The following FOXJ2 variants were observed in gnomAD, a reference collection of about 807,000 sequenced individuals.
FOXJ2 encodes forkhead box protein J2.
A neutral mutation model predicts 68.4 loss-of-function variants in FOXJ2; 18 were observed. The observed-to-expected ratio is 0.26, with a 90% CI of 0.18 to 0.39. FOXJ2 has a LOEUF of 0.39. Ranked by LOEUF, FOXJ2 falls within the 10% of genes least tolerant of loss-of-function variation. The pLI is 1.00. For missense variants in FOXJ2, 670 were observed against 726.5 expected, an observed-to-expected ratio of 0.92 and a Z score of 0.89; for synonymous variants, 274 against 263.2, an observed-to-expected ratio of 1.04 and a Z score of -0.40.
chr12:8,036,509 C>A (rs939914496), intron 1 of FOXJ2, among the ~76,000 whole-genome samples: 1 of 152,152 alleles, frequency 6.6e-6, no homozygotes, highest in Admixed American at 6.5e-5. Context: ...TTCCAGCACA[C>A]AGAGAAGAAT....
At chr12:8,037,199 C>T (rs938852557) in intron 1 of FOXJ2, among the ~76,000 whole-genome samples, 6 of 152,202 alleles carry the variant, frequency 3.9e-5, no homozygotes, top group African/African-American at 1.4e-4. Context: ...ACCTCAGTCT[C>T]TGAGGCTCTA....
Position 8,049,509 on chromosome 12 carries a change from CT to C in FOXJ2, c.1476del (p.Ala493ProfsTer18). 6.2e-7 allele frequency: 1 copy of C among 1,614,000 alleles called. No individual in the cohort carries two copies. Among genetic ancestry groups the C allele is most frequent in the Non-Finnish European group, 8.5e-7 (1 of 1,179,948 alleles). On this transcript the variant is annotated frameshift_variant, in exon 9 of 11. Transcript: ENST00000162391. LOFTEE classifies it high-confidence loss of function. The stretch of plus-strand genomic sequence containing the variant: ...GGGGGTACCCACCGCCCACCAGCCC[CT>C]GCCCGTATTGCTGACTCCTGTGCCC... ...PQGGTHRPPAPARIADSCALT... is the reference protein window; with the variant it reads ...PQGGTHRPPAXARIADSCALT...
chr12:8,034,341 C>T (rs1380158636), intron 1 of FOXJ2, among the ~76,000 whole-genome samples: 2 of 152,168 alleles, frequency 1.3e-5, no homozygotes, highest in African/African-American at 4.8e-5. Flanking sequence ...AATTATAGCT[C>T]CCTTGACAAG....
chr12:8,051,528 A>G (rs1947126363), intron 10 of FOXJ2, among the ~76,000 whole-genome samples: 1 of 152,176 alleles, frequency 6.6e-6, no homozygotes. Flanking sequence ...GTGGCTTTGG[A>G]ATCTAGATGG....
At position 8,047,995 on chromosome 12, in the gene FOXJ2, C is replaced by A; in HGVS notation, c.931C>A (p.Pro311Thr). ...GCAGCAGCAGCAGCCGCCACAGCCACCTCCCCAGCAGTCCCAGCCACAGCA... is the reference window on the plus strand; with the variant it reads ...GCAGCAGCAGCAGCCGCCACAGCCAACTCCCCAGCAGTCCCAGCCACAGCA... ...QQQQQQPPQP[P>T]PQQSQPQQQQ... The change falls in exon 7 of 11, where the codon CCT (proline) becomes ACT (threonine). Residue 311 changes from proline to threonine, a missense_variant. Transcript: ENST00000162391. 2 of 1,613,936 alleles carry A rather than the reference C, an allele frequency of 1.2e-6. No homozygotes were observed. Among genetic ancestry groups the A allele is most frequent in the Non-Finnish European group, 8.5e-7 (1 of 1,179,934 alleles).
chr12:8,048,665 T>C, intron 7 of FOXJ2, 32 bp from the exon 8 acceptor site: 1 of 1,581,306 alleles, frequency 6.3e-7, no homozygotes, highest in Non-Finnish European at 8.7e-7. Flanking sequence ...CTTCACTCTA[T>C]CTTATTATCC....
intron 2 of FOXJ2, among the ~76,000 whole-genome samples, chr12:8,041,669 C>T (rs1328709334): frequency 6.6e-6 from 1 of 151,976 alleles, no homozygotes; most frequent in African/African-American, 2.4e-5. Flanking sequence ...CACCACCATG[C>T]ACAGGAACTT....
chr12:8,040,037 T>C lies in FOXJ2; in HGVS notation c.205T>C (p.Tyr69His). The C allele has an allele frequency of 6.2e-7, 1 of 1,614,144 alleles. No homozygotes were observed. Among genetic ancestry groups the C allele is most frequent in the African/African-American group, 1.3e-5 (1 of 75,034 alleles). ...AAVHQDGKPR[Y>H]SYATLITYAI... ...AGTGCACCAGGACGGCAAGCCACGATACAGCTATGCCACTCTCATCACCTA... is the reference window on the plus strand; with the variant it reads ...AGTGCACCAGGACGGCAAGCCACGACACAGCTATGCCACTCTCATCACCTA... The change falls in exon 2 of 11, where the codon TAC (tyrosine) becomes CAC (histidine). Residue 69 changes from tyrosine to histidine, a missense_variant. This residue lies in a region of FOXJ2 where 115 missense variants were observed against 164.3 expected (regional missense o/e 0.70). Coordinates refer to ENST00000162391, the MANE Select transcript of FOXJ2 (RefSeq NM_018416.3). The surrounding 1 kb of genome is among the most constrained non-coding windows in gnomAD (Gnocchi z 4.0).
intron 8 of FOXJ2, 99 bp from the exon 9 acceptor site, chr12:8,049,263 G>A (rs1408969598): frequency 5.9e-6 from 5 of 846,906 alleles, no homozygotes; most frequent in East Asian, 4.9e-5. Context: ...TTATCAGTGG[G>A]GGTGATTGAT....
rs1947069794 is a variant in FOXJ2, at chr12:8,048,397, G to A, written c.1225+108G>A. 2.0e-6 allele frequency: 3 copies of A among 1,476,052 alleles called. No individual in the cohort carries two copies. The East Asian group carries it at 6.9e-5, about 34-fold the overall frequency. The allele number at this position is 1,476,052 out of a possible 1,614,324, so 91.4% of individuals were successfully genotyped here. On this transcript the variant is annotated intron_variant, in intron 7 of 10. Coordinates refer to ENST00000162391, the MANE Select transcript of FOXJ2 (RefSeq NM_018416.3). ...TAGGAAGTTAATGATGGGTCTTTTA[G>A]GCTTCGCTCCTTCATGTGAGCTAAT...
chr12:8,043,034 G>A (rs1312327716), intron 3 of FOXJ2, among the ~76,000 whole-genome samples: 2 of 151,870 alleles, frequency 1.3e-5, no homozygotes, highest in African/African-American at 4.8e-5. Flanking sequence ...TAGTCAACAT[G>A]GTGAAACCCC....
chr12:8,037,463 T>C (rs917387458), intron 1 of FOXJ2, among the ~76,000 whole-genome samples: 2 of 152,122 alleles, frequency 1.3e-5, no homozygotes, highest in African/African-American at 2.4e-5. Context: ...GTAGAACAAC[T>C]TGCAAAAGGC....
chr12:8,040,723 C>T lies in FOXJ2; in HGVS notation c.333+558C>T, dbSNP rs746594328. Among the ~76,000 whole-genome samples, 1 of 152,166 alleles carries T rather than the reference C, an allele frequency of 6.6e-6. No homozygotes were observed. Among genetic ancestry groups the T allele is most frequent in the East Asian group, 1.9e-4 (1 of 5,172 alleles). On this transcript the variant is annotated intron_variant, in intron 2 of 10. Coordinates refer to ENST00000162391, the MANE Select transcript of FOXJ2 (RefSeq NM_018416.3). The surrounding 1 kb of genome is among the most constrained non-coding windows in gnomAD (Gnocchi z 4.0). Reference sequence around the variant, plus strand: ...GGCATGAGCCACTGCACCCGGCCCACATCCTCTTGTCTTCTGATCCCTCAA... The same window carrying T: ...GGCATGAGCCACTGCACCCGGCCCATATCCTCTTGTCTTCTGATCCCTCAA...
At chr12:8,050,871 T>TCCCTTC (rs1565631443) in intron 10 of FOXJ2, among the ~76,000 whole-genome samples, 4 of 80,846 alleles carry the variant, frequency 4.9e-5, no homozygotes, top group Admixed American at 1.5e-4. Flanking sequence ...CCCTTCCCCT[T>TCCCTTC]CCCTTCCCCT....
chr12:8,044,214 G>C, intron 5 of FOXJ2, 123 bp downstream of exon 5: 1 of 1,197,330 alleles, frequency 8.4e-7, no homozygotes, highest in Non-Finnish European at 1.1e-6. Flanking sequence ...TGAGAAGGAA[G>C]GGGAAGGCAA....
intron 6 of FOXJ2, among the ~76,000 whole-genome samples, chr12:8,045,870 G>A (rs766858457): frequency 4.0e-4 from 60 of 151,720 alleles, no homozygotes; most frequent in African/African-American, 1.4e-3. Context: ...CGTTGGCCAG[G>A]CTGGTCTTGA....
In FOXJ2 at chr12:8,034,113, G is replaced by A. The variant is rs114509128; in HGVS notation, c.-15+280G>A. ...TTTCATGCTGAGGAAAAGGGTTATC[G>A]GAAAACAGCTGCATTTTGAGAACAT... is the stretch of plus-strand genomic sequence containing the variant. On this transcript the variant is annotated intron_variant, in intron 1 of 10. Coordinates refer to ENST00000162391, the MANE Select transcript of FOXJ2 (RefSeq NM_018416.3). Among the ~76,000 whole-genome samples the A allele has an allele frequency of 6.2e-3, 951 of 152,252 alleles. 5 individuals are homozygous for A. Among genetic ancestry groups the A allele is most frequent in the African/African-American group, 0.02 (832 of 41,556 alleles).
chr12:8,049,859 G>T (rs1947091852), intron 9 of FOXJ2: 3 of 431,186 alleles, frequency 7.0e-6, no homozygotes, highest in African/African-American at 6.0e-5. Context: ...TTTTAAATTT[G>T]CGTCTCAGTA....
intron 1 of FOXJ2, among the ~76,000 whole-genome samples, chr12:8,036,788 G>A (rs1340103724): frequency 1.3e-5 from 2 of 152,128 alleles, no homozygotes; most frequent in Non-Finnish European, 2.9e-5. Flanking sequence ...GGAAACTGAG[G>A]CATCAAGACT....
Sources: allele counts gnomAD v4.1 joint callset (sites outside exome capture counted in the v4.1 genomes callset), GRCh38; gene constraint gnomAD v4.1.1; regional missense constraint gnomAD v4.1.1; non-coding constraint Gnocchi (gnomAD v3.1); transcripts MANE v1.5; gene names NCBI Gene and HGNC (gene_info 2026-07-23, HGNC 2026-07-21).